Variants in GREB1L observed in about 807,000 individuals in gnomAD.
GREB1L encodes GREB1-like protein.
GREB1L carries 17 observed loss-of-function variants against 200.8 expected under a neutral mutation model. The observed-to-expected ratio is 0.08, with a 90% confidence interval of 0.06 to 0.13. The LOEUF (loss-of-function observed/expected upper bound fraction) is 0.13, where lower values mean the gene tolerates loss of function less well. GREB1L is among the 10% of genes least tolerant of loss of function. The pLI is 1.00. For missense variants in GREB1L, 1,657 were observed against 2,367.7 expected (o/e 0.70, Z 6.23); for synonymous variants, 789 against 893.0 (o/e 0.88, Z 2.08).
intron 1 of GREB1L, among the ~76,000 whole-genome samples, chr18:21,343,495 G>A (rs2039297247): frequency 6.6e-6 from 1 of 152,128 alleles, no homozygotes; most frequent in Admixed American, 6.6e-5. Context: ...AAAGGTCATG[G>A]AATCTTTGGA....
At chr18:21,316,704 C>A (rs8098009) in intron 1 of GREB1L, among the ~76,000 whole-genome samples, 7,670 of 149,264 alleles carry the variant, frequency 0.051, 658 homozygotes, top group African/African-American at 0.18. Flanking sequence ...AATAAAGTAT[C>A]TGTATAAATA....
intron 4 of GREB1L, among the ~76,000 whole-genome samples, chr18:21,386,315 G>A (rs1229428056): frequency 5.3e-5 from 8 of 151,904 alleles, no homozygotes; most frequent in Non-Finnish European, 8.8e-5. Flanking sequence ...TATTTGAGAC[G>A]GAGTCTCACT....
chr18:21,494,324 C>T (rs774637113), intron 19 of GREB1L, among the ~76,000 whole-genome samples: 28 of 152,136 alleles, frequency 1.8e-4, no homozygotes, highest in Non-Finnish European at 3.2e-4. Flanking sequence ...TAAGCTTCTT[C>T]CAGTTTTACA....
intron 17 of GREB1L, among the ~76,000 whole-genome samples, chr18:21,485,050 AAAATAGC>A (rs1052370343): frequency 3.9e-5 from 6 of 152,160 alleles, no homozygotes; most frequent in African/African-American, 1.4e-4. Flanking sequence ...GTCACATCCT[AAAATAGC>A]TATTCATTTT....
intron 15 of GREB1L, among the ~76,000 whole-genome samples, chr18:21,457,792 A>G (rs748533102): frequency 5.5e-4 from 84 of 152,220 alleles, no homozygotes; most frequent in Non-Finnish European, 1.1e-3. Flanking sequence ...TGCTCCGGGT[A>G]GAATAAATAG....
intron 2 of GREB1L, among the ~76,000 whole-genome samples, chr18:21,372,039 A>G (rs140033414): frequency 9.4e-4 from 143 of 152,296 alleles, no homozygotes; most frequent in African/African-American, 3.3e-3. Flanking sequence ...ATTAATCCCT[A>G]TGACAGTAGT....
intron 1 of GREB1L, among the ~76,000 whole-genome samples, chr18:21,360,472 CG>C (rs2039566655): frequency 6.6e-6 from 1 of 152,184 alleles, no homozygotes; most frequent in Non-Finnish European, 1.5e-5. Flanking sequence ...GTGATCCACT[CG>C]CCTCGGCCTC....
intron 3 of GREB1L, among the ~76,000 whole-genome samples, chr18:21,383,975 A>G (rs1054085183): frequency 1.6e-4 from 24 of 151,968 alleles, no homozygotes; most frequent in Non-Finnish European, 3.4e-4. Flanking sequence ...CCGCCTCCCA[A>G]AGTGCTGGGA....
At chr18:21,408,652 G>T (rs1477419502) in intron 7 of GREB1L, among the ~76,000 whole-genome samples, 1 of 152,020 alleles carries the variant, frequency 6.6e-6, no homozygotes, top group Non-Finnish European at 1.5e-5. Flanking sequence ...AAATTAGCCA[G>T]GTGTGGTGGT....
At chr18:21,249,157 A>G (rs1431212477) in intron 1 of GREB1L, among the ~76,000 whole-genome samples, 2 of 151,164 alleles carry the variant, frequency 1.3e-5, no homozygotes, top group African/African-American at 4.9e-5. Flanking sequence ...TTTTTTATTT[A>G]GGTAGATAAC....
At chr18:21,260,027 A>ATGAAAG (rs1248685645) in intron 1 of GREB1L, among the ~76,000 whole-genome samples, 1 of 152,020 alleles carries the variant, frequency 6.6e-6, no homozygotes, top group Non-Finnish European at 1.5e-5. Context: ...AAGAAAATGA[A>ATGAAAG]TGAAAGCTCA....
chr18:21,259,288 ACTT>A (rs2037852555), intron 1 of GREB1L, among the ~76,000 whole-genome samples: 1 of 152,210 alleles, frequency 6.6e-6, no homozygotes, highest in South Asian at 2.1e-4. Flanking sequence ...TACATTTGTC[ACTT>A]CTTTAAAAAT....
intron 15 of GREB1L, among the ~76,000 whole-genome samples, chr18:21,455,344 G>A (rs1480826181): frequency 8.0e-6 from 1 of 124,332 alleles, no homozygotes; most frequent in Non-Finnish European, 1.9e-5. Context: ...ACACACACAC[G>A]CAGATTTTAG....
In GREB1L at chr18:21,518,244, G is replaced by A; in HGVS notation, c.5472+10G>A. On this transcript the variant is annotated intron_variant, in intron 31 of 32. Transcript: ENST00000424526. ...TAACATTGGACCAGAGGTAAAAAGG[G>A]TGTGGGGGATACTGTGCTTACCTAC... The A allele has an allele frequency of 6.4e-7, 1 of 1,550,882 alleles. No individual in the cohort carries two copies. The highest frequency in any genetic ancestry group is 8.7e-7 in the Non-Finnish European group (1 of 1,146,278).
intron 1 of GREB1L, among the ~76,000 whole-genome samples, chr18:21,324,679 A>T (rs2038996711): frequency 6.6e-6 from 1 of 152,114 alleles, no homozygotes; most frequent in Non-Finnish European, 1.5e-5. Flanking sequence ...GCATGGCGGC[A>T]TGTGCCTGTA....
intron 17 of GREB1L, among the ~76,000 whole-genome samples, chr18:21,481,278 C>T (rs1444337671): frequency 6.6e-6 from 1 of 151,764 alleles, no homozygotes; most frequent in Non-Finnish European, 1.5e-5. Context: ...ACAGTGTGGG[C>T]AGGGGACACA....
chr18:21,461,116 GAAAA>G (rs954475665), intron 15 of GREB1L, among the ~76,000 whole-genome samples: 1 of 148,188 alleles, frequency 6.7e-6, no homozygotes, highest in Admixed American at 6.7e-5. Context: ...AAAAGAAAAA[GAAAA>G]AAAACCAACA....
chr18:21,485,295 C>G (rs1017374191), intron 17 of GREB1L: 1 of 207,134 alleles, frequency 4.8e-6, no homozygotes, highest in Non-Finnish European at 9.7e-6. Flanking sequence ...AGAACTACTT[C>G]CAGCAGGGAA....
intron 1 of GREB1L, among the ~76,000 whole-genome samples, chr18:21,363,291 C>A (rs1272674599): frequency 5.8e-5 from 6 of 103,142 alleles, no homozygotes; most frequent in South Asian, 5.0e-4. Context: ...CCCCCCGCCC[C>A]CCCCCCCCCA....
Sources: allele counts gnomAD v4.1 joint callset (sites outside exome capture counted in the v4.1 genomes callset), GRCh38; gene constraint gnomAD v4.1.1; transcripts MANE v1.5; gene names NCBI Gene and HGNC (gene_info 2026-07-23, HGNC 2026-07-21).